Variants in SUCLA2 observed in about 807,000 individuals in gnomAD.
The protein encoded by SUCLA2 is succinate--CoA ligase [ADP-forming] subunit beta, mitochondrial.
SUCLA2 carries 30 observed loss-of-function variants against 54.8 expected under a neutral mutation model. The ratio of observed to expected loss-of-function variants is 0.55; its 90% confidence interval spans 0.41 to 0.74. SUCLA2 has a LOEUF of 0.74. Among genes scored for constraint, SUCLA2 ranks in the 30% least tolerant of loss-of-function variants. The probability of loss-of-function intolerance (pLI) is 0.00; values close to 1 mark genes in which losing one functional copy is unlikely to be tolerated. For synonymous variants in SUCLA2, 172 were observed against 188.9 expected (o/e 0.91, Z 0.74); for missense variants, 476 against 562.9 (o/e 0.85, Z 1.56).
chr13:47,983,202 T>C lies in SUCLA2; in HGVS notation c.534+5339A>G, dbSNP rs1428199576. Among the ~76,000 whole-genome samples, 5 of 152,276 alleles carry C rather than the reference T, an allele frequency of 3.3e-5. No homozygotes were observed. In the East Asian group the frequency reaches 7.7e-4, roughly 23 times the overall value. On this transcript the variant is annotated intron_variant, in intron 4 of 10. Transcript: ENST00000646932. ...ATTAGCAAGTCTAAGTAAAGAGAAA[T>C]GTTTGAAATGATGGTTTAATTTTCA...
In SUCLA2 at chr13:47,949,603, C is replaced by G; in HGVS notation, c.1108G>C (p.Val370Leu). The G allele has an allele frequency of 6.2e-7, 1 of 1,613,146 alleles. No homozygotes were observed. The highest frequency in any genetic ancestry group is 8.5e-7 in the Non-Finnish European group (1 of 1,179,390). The change falls in exon 9 of 11, where the codon GTA becomes CTA. Residue 370 changes from valine (V) to leucine (L), a missense_variant and splice_region_variant. Val to Leu is a conservative substitution (Grantham distance 32, BLOSUM62 1). This residue lies in a region of SUCLA2 where 342 missense variants were observed against 444.2 expected (regional missense o/e 0.77). Coordinates refer to ENST00000646932, the MANE Select transcript of SUCLA2 (RefSeq NM_003850.3). The stretch of plus-strand genomic sequence containing the variant: ...AAAATGTTGACCAGAATAGCCAGTA[C>G]CTATGAATAAAGTGTTCTGATAGAT... ...AFKLITSDKK[V>L]LAILVNIFGG...
In SUCLA2 at chr13:47,996,808, T is replaced by C. The variant is rs186142828; in HGVS notation, c.271+35A>G. 2,325 of 1,609,166 alleles carry C rather than the reference T, an allele frequency of 1.4e-3. 49 individuals are homozygous for C. In the Admixed American group the frequency reaches 0.034, roughly 24 times the overall value. ...ACTTCAAATCTTCTCAGAGCTCTCA[T>C]GTCAAGGTGGCAAAAGCTTTTCTTA... On this transcript the variant is annotated intron_variant, in intron 2 of 10. Coordinates refer to ENST00000646932, the MANE Select transcript of SUCLA2 (RefSeq NM_003850.3).
At chr13:47,965,507 A>C (rs1258249235) in intron 6 of SUCLA2, 25 of 365,448 alleles carry the variant, frequency 6.8e-5, no homozygotes, top group Admixed American at 2.4e-4. Flanking sequence ...AAAAAAAAAA[A>C]CAAACAAACA....
chr13:47,945,422 CA>C (rs10661341), intron 10 of SUCLA2, among the ~76,000 whole-genome samples: 107 of 50,018 alleles, frequency 2.1e-3, no homozygotes, highest in African/African-American at 6.3e-3. Context: ...GACTCAGTCT[CA>C]AAAAAAAAAA....
At chr13:47,954,086 GTATT>G (rs1485026998) in intron 8 of SUCLA2, 50 bp downstream of exon 8, 14 of 1,319,960 alleles carry the variant, frequency 1.1e-5, no homozygotes, top group African/African-American at 9.0e-5. Flanking sequence ...ATTTTTATAA[GTATT>G]TATTTTATAT....
At chr13:47,996,391 T>C (rs1419215713) in intron 2 of SUCLA2, among the ~76,000 whole-genome samples, 1 of 151,556 alleles carries the variant, frequency 6.6e-6, no homozygotes, top group African/African-American at 2.4e-5. Flanking sequence ...AGCACTCTAC[T>C]TTTTGTTCCC....
At chr13:47,946,071 C>A (rs1389303932) in intron 10 of SUCLA2, 8 of 152,194 alleles carry the variant, frequency 5.3e-5, no homozygotes, top group Admixed American at 5.2e-4. Flanking sequence ...CAGTTCATCT[C>A]ACCAAGTAAG....
Position 47,954,190 on chromosome 13 carries a change from T to C in SUCLA2, c.1057A>G (p.Thr353Ala). 7 of 1,613,862 alleles carry C rather than the reference T, an allele frequency of 4.3e-6. No individual in the cohort carries two copies. Among genetic ancestry groups the C allele is most frequent in the Non-Finnish European group, 5.9e-6 (7 of 1,179,844 alleles). ...AATGCTTCTGTTACTTGATGGACTG[T>C]AGCACCACCACCAACATCAAGGAAG... Reference protein sequence around the residue: ...ANFLDVGGGATVHQVTEAFKL... With the variant: ...ANFLDVGGGAAVHQVTEAFKL... The change falls in exon 8 of 11, where the codon ACA becomes GCA. Residue 353 changes from threonine (T) to alanine (A), a missense_variant. Around this residue, in one of 2 missense-constraint regions of SUCLA2, gnomAD observed 342 missense variants for 444.2 expected, o/e 0.77. Coordinates refer to ENST00000646932, the MANE Select transcript of SUCLA2 (RefSeq NM_003850.3).
intron 4 of SUCLA2, among the ~76,000 whole-genome samples, chr13:47,981,072 G>A (rs1950057353): frequency 6.6e-6 from 1 of 152,098 alleles, no homozygotes; most frequent in African/African-American, 2.4e-5. Flanking sequence ...AAAGGCACAG[G>A]CAGAAAAAAA....
In SUCLA2 at chr13:47,965,491, C is replaced by CT. The variant is rs763506432; in HGVS notation, c.802+3103dup. On this transcript the variant is annotated intron_variant, in intron 6 of 10. Coordinates refer to ENST00000646932, the MANE Select transcript of SUCLA2 (RefSeq NM_003850.3). ...CATTCTATGAAATAAATGACCCCTT[C>CT]TTTAAAAAAAAAAAAACAAACAAAC... 403 of 257,604 alleles carry CT rather than the reference C, an allele frequency of 1.6e-3. 1 individual carries two copies. The highest frequency in any genetic ancestry group is 5.0e-3 in the South Asian group (20 of 3,998). The allele number at this position is 257,604 out of a possible 1,614,324, so 16.0% of individuals were successfully genotyped here. A position where few individuals can be genotyped will look rare whatever the true frequency, so the allele number is the denominator to read the frequency against.
intron 4 of SUCLA2, among the ~76,000 whole-genome samples, chr13:47,980,742 A>C (rs1215635743): frequency 1.3e-5 from 2 of 152,188 alleles, no homozygotes; most frequent in Non-Finnish European, 2.9e-5. Context: ...AAAAAAACAG[A>C]CATATAGACC....
intron 8 of SUCLA2, among the ~76,000 whole-genome samples, chr13:47,951,949 T>C (rs1361476629): frequency 6.7e-6 from 1 of 150,158 alleles, no homozygotes; most frequent in Non-Finnish European, 1.5e-5. Context: ...TCAGTCCTAC[T>C]GCCTTTGACT....
chr13:47,949,096 A>G, intron 9 of SUCLA2, 68 bp from the exon 10 acceptor site: 3 of 1,469,370 alleles, frequency 2.0e-6, no homozygotes, highest in Non-Finnish European at 9.5e-7. Flanking sequence ...AATGTTTGCC[A>G]AAACATGGTA....
Position 47,972,286 on chromosome 13 carries a change from C to T in SUCLA2, c.663+978G>A, listed in dbSNP as rs181243551. On this transcript the variant is annotated intron_variant, in intron 5 of 10. Coordinates refer to ENST00000646932, the MANE Select transcript of SUCLA2 (RefSeq NM_003850.3). ...AATAAATAAAATAACAATGAAGAAC[C>T]GTATTTGGATGCTGACTCAAACAAA... Among the ~76,000 whole-genome samples the T allele has an allele frequency of 7.9e-5, 12 of 151,886 alleles. No individual in the cohort carries two copies. In the East Asian group the frequency reaches 2.0e-3, roughly 25 times the overall value.
In SUCLA2 at chr13:47,949,031, G is replaced by A; in HGVS notation, c.1229-3C>T. On this transcript the variant is annotated splice_region_variant and splice_polypyrimidine_tract_variant and intron_variant, in intron 9 of 10. Transcript: ENST00000646932. ...CTTAGCATCATCGACTCGTGTACCTGTAAATGATTTATGCAAATATAAATG... is the reference window on the plus strand; with the variant it reads ...CTTAGCATCATCGACTCGTGTACCTATAAATGATTTATGCAAATATAAATG... 6.2e-7 allele frequency: 1 copy of A among 1,612,988 alleles called. No homozygotes were observed. Among genetic ancestry groups the A allele is most frequent in the Non-Finnish European group, 8.5e-7 (1 of 1,179,146 alleles).
chr13:47,943,717 ATGTGTGTATAAAATG>A (rs1280826728), intron 10 of SUCLA2, among the ~76,000 whole-genome samples: 2 of 148,884 alleles, frequency 1.3e-5, no homozygotes, highest in Non-Finnish European at 3.0e-5. Context: ...AAGATTATAT[ATGTGTGTATAAAATG>A]TGTGTGTATG....
chr13:47,980,673 C>G lies in SUCLA2; in HGVS notation c.535-7281G>C, dbSNP rs571614142. On this transcript the variant is annotated intron_variant, in intron 4 of 10. Coordinates refer to ENST00000646932, the MANE Select transcript of SUCLA2 (RefSeq NM_003850.3). ...AGAAAAAAAAAGAAACTAGAGGCCT[C>G]ACACTTCTTTTAAAATATATTACAA... Among the ~76,000 whole-genome samples the G allele has an allele frequency of 2.6e-5, 4 of 151,934 alleles. No homozygotes were observed. The East Asian group carries it at 7.7e-4, about 29-fold the overall frequency.
At chr13:47,956,043 C>A (rs774619813) in intron 6 of SUCLA2, among the ~76,000 whole-genome samples, 1 of 152,012 alleles carries the variant, frequency 6.6e-6, no homozygotes, top group African/African-American at 2.4e-5. Context: ...TTACTAGATC[C>A]GTAATGAAAC....
chr13:47,970,351 C>T (rs146783837), intron 5 of SUCLA2, among the ~76,000 whole-genome samples: 1 of 152,212 alleles, frequency 6.6e-6, no homozygotes, highest in Non-Finnish European at 1.5e-5. Context: ...CACCATCATG[C>T]AAAATGCTAT....
Sources: allele counts gnomAD v4.1 joint callset (sites outside exome capture counted in the v4.1 genomes callset), GRCh38; gene constraint gnomAD v4.1.1; regional missense constraint gnomAD v4.1.1; transcripts MANE v1.5; gene names NCBI Gene and HGNC (gene_info 2026-07-23, HGNC 2026-07-21).